Variants in VTI1A observed in about 807,000 individuals in gnomAD.
VTI1A encodes the protein vesicle transport through interaction with t-SNAREs homolog 1A.
Under a neutral mutation model 34.9 loss-of-function variants are expected in VTI1A, and 22 were observed. The observed-to-expected ratio is 0.63, with a 90% CI of 0.45 to 0.90. The LOEUF (loss-of-function observed/expected upper bound fraction) is 0.90. VTI1A is among the 40% of genes least tolerant of loss of function. The pLI is 0.00. For missense variants in VTI1A, 268 were observed against 275.6 expected (o/e 0.97, Z 0.20); for synonymous variants, 87 against 97.3 (o/e 0.89, Z 0.62).
intron 7 of VTI1A, among the ~76,000 whole-genome samples, chr10:112,740,823 A>G (rs963004055): frequency 2.0e-5 from 3 of 152,224 alleles, no homozygotes; most frequent in Admixed American, 6.5e-5. Flanking sequence ...ATTACTAGGT[A>G]TCTGTATCCA....
At chr10:112,845,566 C>T in the VTI1A span, among the ~76,000 whole-genome samples, 2 of 152,178 alleles carry the variant, frequency 1.3e-5, no homozygotes, top group African/African-American at 2.4e-5. Context: ...ACGGGAGAAG[C>T]GGTAGCTTCG....
At chr10:112,511,630 C>G (rs1460230827) in intron 3 of VTI1A, among the ~76,000 whole-genome samples, 1 of 152,130 alleles carries the variant, frequency 6.6e-6, no homozygotes, top group East Asian at 1.9e-4. Context: ...TATATTCACT[C>G]TACTCTGCTG....
intron 5 of VTI1A, among the ~76,000 whole-genome samples, chr10:112,539,989 A>G (rs1002898161): frequency 2.0e-5 from 3 of 152,188 alleles, no homozygotes; most frequent in South Asian, 4.1e-4. Flanking sequence ...GAATATGACC[A>G]TAATCACAGG....
chr10:112,749,516 T>G (rs1216290200), intron 7 of VTI1A, among the ~76,000 whole-genome samples: 1 of 152,232 alleles, frequency 6.6e-6, no homozygotes, highest in East Asian at 1.9e-4. Context: ...AACTCAGAGC[T>G]GTAGCTGGGA....
chr10:112,754,049 G>A (rs912926226), intron 7 of VTI1A, among the ~76,000 whole-genome samples: 2 of 152,176 alleles, frequency 1.3e-5, no homozygotes, highest in Non-Finnish European at 2.9e-5. Context: ...GTTGGACCGC[G>A]AGAGAAAATA....
At chr10:112,555,537 C>T (rs997062225) in intron 5 of VTI1A, among the ~76,000 whole-genome samples, 14 of 151,958 alleles carry the variant, frequency 9.2e-5, no homozygotes, top group African/African-American at 3.4e-4. Flanking sequence ...TCTCTAAACA[C>T]AGTTGTACCC....
At chr10:112,607,645 CTG>C (rs1345453161) in intron 5 of VTI1A, among the ~76,000 whole-genome samples, 1 of 152,192 alleles carries the variant, frequency 6.6e-6, no homozygotes, top group Non-Finnish European at 1.5e-5. Context: ...CATTTTGACA[CTG>C]TGTCTTTGGG....
At chr10:112,555,915 A>G (rs1308101843) in intron 5 of VTI1A, among the ~76,000 whole-genome samples, 3 of 152,016 alleles carry the variant, frequency 2.0e-5, no homozygotes, top group Non-Finnish European at 4.4e-5. Flanking sequence ...TGAGATTCAT[A>G]CTATACAGAA....
At chr10:112,656,841 G>A (rs1243651887) in intron 5 of VTI1A, among the ~76,000 whole-genome samples, 1 of 152,124 alleles carries the variant, frequency 6.6e-6, no homozygotes, top group Non-Finnish European at 1.5e-5. Context: ...CCTCCGAGTT[G>A]GAGGTGGGCC....
At chr10:112,647,649 A>G (rs997069529) in intron 5 of VTI1A, among the ~76,000 whole-genome samples, 1 of 152,238 alleles carries the variant, frequency 6.6e-6, no homozygotes, top group African/African-American at 2.4e-5. Flanking sequence ...CAAGACTAAA[A>G]GTATGTTTTT....
downstream of VTI1A, among the ~76,000 whole-genome samples, chr10:112,821,909 A>C (rs1382349679): frequency 6.6e-6 from 1 of 152,186 alleles, no homozygotes; most frequent in African/African-American, 2.4e-5. Flanking sequence ...GAGGGATGCC[A>C]GGCCCCTGCG....
intron 3 of VTI1A, among the ~76,000 whole-genome samples, chr10:112,488,847 C>T (rs1204443432): frequency 1.3e-5 from 2 of 152,028 alleles, no homozygotes; most frequent in Admixed American, 6.6e-5. Flanking sequence ...CTCAGTAGTC[C>T]TAGAAACTAC....
At chr10:112,637,524 T>G (rs919517194) in intron 5 of VTI1A, among the ~76,000 whole-genome samples, 1 of 152,152 alleles carries the variant, frequency 6.6e-6, no homozygotes, top group African/African-American at 2.4e-5. Context: ...CTGGGCGTGG[T>G]GGCACATGCC....
At chr10:112,599,226 C>T (rs921587850) in intron 5 of VTI1A, among the ~76,000 whole-genome samples, 4 of 152,152 alleles carry the variant, frequency 2.6e-5, no homozygotes, top group Non-Finnish European at 5.9e-5. Flanking sequence ...GGGGGATCTG[C>T]AAGGCCAGAG....
At chr10:112,493,764 A>G (rs1460171866) in intron 3 of VTI1A, among the ~76,000 whole-genome samples, 2 of 152,124 alleles carry the variant, frequency 1.3e-5, no homozygotes, top group Non-Finnish European at 2.9e-5. Context: ...TATATATTGC[A>G]TTAATTGATT....
At chr10:112,677,099 A>G (rs184079303) in intron 7 of VTI1A, among the ~76,000 whole-genome samples, 125 of 152,310 alleles carry the variant, frequency 8.2e-4, no homozygotes, top group Middle Eastern at 6.8e-3. Flanking sequence ...CTATGATCTG[A>G]TGTTCTAGAC....
At chr10:112,715,191 T>A (rs548597008) in intron 7 of VTI1A, among the ~76,000 whole-genome samples, 1 of 152,294 alleles carries the variant, frequency 6.6e-6, no homozygotes, top group Admixed American at 6.5e-5. Context: ...CAGTTCTCCC[T>A]AATCTTACAA....
intron 5 of VTI1A, among the ~76,000 whole-genome samples, chr10:112,666,438 C>A (rs182839229): frequency 3.3e-5 from 5 of 152,278 alleles, no homozygotes; most frequent in Admixed American, 6.5e-5. Flanking sequence ...GTCTGTAACT[C>A]TTCTGTAACA....
At chr10:112,798,132 C>T (rs1852740285) in intron 7 of VTI1A, among the ~76,000 whole-genome samples, 2 of 152,092 alleles carry the variant, frequency 1.3e-5, no homozygotes, top group African/African-American at 2.4e-5. Flanking sequence ...CTCAGGCTGG[C>T]GGTGTTAGGT....
Sources: gnomAD v4.1 joint callset for allele counts (sites outside exome capture counted in the v4.1 genomes callset) on GRCh38, gnomAD v4.1.1 for gene constraint, MANE v1.5 for transcripts, NCBI Gene and HGNC (gene_info 2026-07-23, HGNC 2026-07-21) for gene names.